Variants in UBR3 observed in about 807,000 individuals in gnomAD.
UBR3 encodes ubiquitin protein ligase E3 component n-recognin 3.
UBR3 carries 85 observed loss-of-function variants against 243.2 expected under a neutral mutation model. The observed-to-expected ratio is 0.35, with a 90% CI of 0.29 to 0.42. The LOEUF (loss-of-function observed/expected upper bound fraction) is 0.42, where lower values mean the gene tolerates loss of function less well. Among genes scored for constraint, UBR3 ranks in the 10% least tolerant of loss-of-function variants. The pLI is 1.00. For missense variants in UBR3, 1,686 were observed against 2,300.8 expected (o/e 0.73, Z 5.47); for synonymous variants, 748 against 799.8 (o/e 0.94, Z 1.09).
intron 10 of UBR3, among the ~76,000 whole-genome samples, chr2:169,912,553 C>A (rs1169287422): frequency 6.6e-6 from 1 of 152,188 alleles, no homozygotes; most frequent in Non-Finnish European, 1.5e-5. Flanking sequence ...ATTCCTTTGT[C>A]TGGCTAATAT....
chr2:169,860,766 A>T (rs566587663), intron 1 of UBR3, among the ~76,000 whole-genome samples: 17 of 152,294 alleles, frequency 1.1e-4, no homozygotes. Flanking sequence ...GATATATGAG[A>T]TGGAGTTTAT....
intron 1 of UBR3, among the ~76,000 whole-genome samples, chr2:169,832,258 T>C (rs2081963161): frequency 6.6e-6 from 1 of 152,130 alleles, no homozygotes; most frequent in Admixed American, 6.6e-5. Context: ...TGTGTGCTAA[T>C]AACTGTATGT....
intron 1 of UBR3, among the ~76,000 whole-genome samples, chr2:169,866,150 C>CAAAAAAAAAAAA (rs578054467): frequency 2.8e-4 from 15 of 53,380 alleles, no homozygotes; most frequent in African/African-American, 1.4e-3. Context: ...GACTGTGTCT[C>CAAAAAAAAAAAA]AAAAAAAAAA....
At chr2:169,893,425 T>C (rs1245337516) in intron 6 of UBR3, among the ~76,000 whole-genome samples, 1 of 152,248 alleles carries the variant, frequency 6.6e-6, no homozygotes, top group Admixed American at 6.5e-5. Flanking sequence ...ACTAGTTTTA[T>C]TCAGCTTTGT....
chr2:170,062,051 G>A (rs73019576), intron 35 of UBR3, among the ~76,000 whole-genome samples: 6,514 of 152,174 alleles, frequency 0.043, 154 homozygotes, highest in Middle Eastern at 0.058. Flanking sequence ...CCCTAACATC[G>A]TCTGCTTTTA....
chr2:169,987,744 A>G (rs993329771), intron 25 of UBR3, among the ~76,000 whole-genome samples: 1 of 152,092 alleles, frequency 6.6e-6, no homozygotes, highest in Non-Finnish European at 1.5e-5. Flanking sequence ...AAAGAGAAAA[A>G]AAATTCTTAC....
Position 169,859,155 on chromosome 2 carries a change from G to T in UBR3, c.546-13081G>T, listed in dbSNP as rs765906156. On this transcript the variant is annotated intron_variant, in intron 1 of 38. Transcript: ENST00000272793. ...GGCTGGAGTGCAGTGGCGTGATCTCGGCTTCACTGCAAGCTCCACCATTCT... is the reference window on the plus strand; with the variant it reads ...GGCTGGAGTGCAGTGGCGTGATCTCTGCTTCACTGCAAGCTCCACCATTCT... Among the ~76,000 whole-genome samples, 3 of 138,066 alleles carry T rather than the reference G, an allele frequency of 2.2e-5. No homozygotes were observed. In the Admixed American group the frequency reaches 2.4e-4, roughly 11 times the overall value. The allele number at this position is 138,066 out of a possible 152,430, so 90.6% of individuals were successfully genotyped here.
chr2:170,009,486 A>C (rs1574389573), intron 29 of UBR3, among the ~76,000 whole-genome samples: 1 of 152,146 alleles, frequency 6.6e-6, no homozygotes, highest in South Asian at 2.1e-4. Context: ...TTAGAAGTGA[A>C]TGTTTCTCAT....
At chr2:169,986,437 T>C (rs1329845830) in intron 24 of UBR3, among the ~76,000 whole-genome samples, 1 of 152,258 alleles carries the variant, frequency 6.6e-6, no homozygotes, top group African/African-American at 2.4e-5. Flanking sequence ...CATATTTTAG[T>C]TTAAATCTTT....
At chr2:170,006,722 C>T (rs1016945919) in intron 27 of UBR3, among the ~76,000 whole-genome samples, 2 of 152,164 alleles carry the variant, frequency 1.3e-5, no homozygotes, top group African/African-American at 4.8e-5. Flanking sequence ...AGATTAATTG[C>T]ACCATCACTT....
At chr2:170,019,857 C>A (rs1410472323) in intron 30 of UBR3, among the ~76,000 whole-genome samples, 4 of 152,078 alleles carry the variant, frequency 2.6e-5, no homozygotes, top group Non-Finnish European at 4.4e-5. Context: ...TTCACTGCAG[C>A]CTCGAACTCC....
intron 23 of UBR3, among the ~76,000 whole-genome samples, chr2:169,957,480 C>T (rs2087358543): frequency 6.7e-6 from 1 of 148,446 alleles, no homozygotes; most frequent in African/African-American, 2.5e-5. Flanking sequence ...CCAAACACTG[C>T]ATGTTCTCAC....
chr2:170,038,820 A>C (rs1251908160), intron 31 of UBR3, among the ~76,000 whole-genome samples: 1 of 152,130 alleles, frequency 6.6e-6, no homozygotes, highest in Non-Finnish European at 1.5e-5. Context: ...AGGTTGGTGC[A>C]TTGCTTTTAG....
In UBR3 at chr2:169,949,990, G is replaced by T. The variant is rs772223276; in HGVS notation, c.3470G>T (p.Cys1157Phe). ...AACAAACGCATCATTGAAGAGATAT[G>T]TAGAAAAGTGACCCCTCCTGTACCA... is the stretch of plus-strand genomic sequence containing the variant. ...RMNKRIIEEI[C>F]RKVTPPVPPK... Residue 1157 changes from cysteine (C) to phenylalanine (F), a missense_variant, in exon 23 of 39, where the codon TGT becomes TTT. By Grantham distance (205) the Cys-to-Phe change is radical. Transcript: ENST00000272793. The T allele has an allele frequency of 1.2e-6, 2 of 1,613,270 alleles. No homozygotes were observed. The highest frequency in any genetic ancestry group is 1.7e-6 in the Non-Finnish European group (2 of 1,179,646).
intron 32 of UBR3, among the ~76,000 whole-genome samples, chr2:170,053,275 C>G (rs1307582235): frequency 6.6e-6 from 1 of 152,130 alleles, no homozygotes; most frequent in Non-Finnish European, 1.5e-5. Context: ...CTGCTTTCCT[C>G]TTGAGAGTCT....
intron 36 of UBR3, chr2:170,077,415 T>G: frequency 6.9e-7 from 1 of 1,446,036 alleles, no homozygotes; most frequent in Non-Finnish European, 9.4e-7. Context: ...TTACACCAAG[T>G]ATTGTTAGGC....
chr2:169,831,106 A>ATT (rs1200066121), intron 1 of UBR3, among the ~76,000 whole-genome samples: 34 of 70,342 alleles, frequency 4.8e-4, no homozygotes, highest in African/African-American at 7.7e-4. Flanking sequence ...GAGTTGGTAC[A>ATT]TTATATATAT....
At chr2:170,063,956 A>G (rs1042011748) in intron 35 of UBR3, among the ~76,000 whole-genome samples, 2 of 152,194 alleles carry the variant, frequency 1.3e-5, no homozygotes, top group Non-Finnish European at 1.5e-5. Flanking sequence ...CTCAAGGCTT[A>G]TATTCCCATT....
At chr2:169,849,110 G>A (rs781770406) in intron 1 of UBR3, among the ~76,000 whole-genome samples, 9 of 152,120 alleles carry the variant, frequency 5.9e-5, no homozygotes, top group South Asian at 2.1e-4. Context: ...CTCCAGAGTC[G>A]GCCACTTGTC....
Sources: allele counts gnomAD v4.1 joint callset (sites outside exome capture counted in the v4.1 genomes callset), GRCh38; gene constraint gnomAD v4.1.1; transcripts MANE v1.5; gene names NCBI Gene and HGNC (gene_info 2026-07-23, HGNC 2026-07-21).